TGFB3: variants seen among roughly 807,000 people sequenced by gnomAD.
The protein encoded by TGFB3 is transforming growth factor beta 3, also known as transforming growth factor beta-3 proprotein.
TGFB3 carries 5 observed loss-of-function variants against 40.1 expected under a neutral mutation model. The observed-to-expected ratio is 0.12, with a 90% confidence interval of 0.07 to 0.26. TGFB3 has a LOEUF of 0.26. TGFB3 is among the 10% of genes least tolerant of loss of function. TGFB3 has a pLI of 1.00. For missense variants in TGFB3, 373 were observed against 530.1 expected, an observed-to-expected ratio of 0.70 and a Z score of 2.91; for synonymous variants, 184 against 205.6, an observed-to-expected ratio of 0.89 and a Z score of 0.90.
At chr14:75,972,443 G>A (rs183764720) in intron 1 of TGFB3, among the ~76,000 whole-genome samples, 15 of 152,280 alleles carry the variant, frequency 9.9e-5, no homozygotes, top group Admixed American at 2.0e-4. Flanking sequence ...AGAGTGCCCC[G>A]GAAGATGTCA....
Position 75,961,055 on chromosome 14 carries a change from A to G in TGFB3, c.948T>C (p.Cys316=), listed in dbSNP as rs1364994786. The part of the protein sequence containing the change: ...YCFRNLEENC[C]VRPLYIDFRQ... The stretch of plus-strand genomic sequence containing the variant: ...GGAAGTCAATGTAGAGGGGGCGCAC[A>G]CAGCAGTTCTCCTCCAAGTTGCTAC... Residue 316 remains cysteine (C), a synonymous_variant, in exon 6 of 7, where the codon TGT becomes TGC. Transcript: ENST00000238682. The G allele has an allele frequency of 1.4e-5, 23 of 1,614,142 alleles. No individual in the cohort carries two copies. Among genetic ancestry groups the G allele is most frequent in the Non-Finnish European group, 1.9e-5 (22 of 1,180,060 alleles).
At chr14:75,972,722 T>A (rs568073165) in intron 1 of TGFB3, among the ~76,000 whole-genome samples, 5 of 152,294 alleles carry the variant, frequency 3.3e-5, no homozygotes, top group Admixed American at 3.3e-4. Context: ...GATGATAGAT[T>A]GGGGTCCACC....
chr14:75,961,349 A>G (rs889616962), intron 5 of TGFB3, among the ~76,000 whole-genome samples: 2 of 152,232 alleles, frequency 1.3e-5, no homozygotes, highest in Non-Finnish European at 2.9e-5. Flanking sequence ...TTCTATCACA[A>G]TACAAAGCAG....
chr14:75,959,164 C>A lies in TGFB3; in HGVS notation c.*23G>T, dbSNP rs199688471. The A allele has an allele frequency of 1.2e-6, 2 of 1,614,028 alleles. No homozygotes were observed. The highest frequency in any genetic ancestry group is 1.7e-6 in the Non-Finnish European group (2 of 1,179,950). On this transcript the variant is annotated 3_prime_UTR_variant, in exon 7 of 7. Coordinates refer to ENST00000238682, the MANE Select transcript of TGFB3 (RefSeq NM_003239.5). ...TCAGGCAGTGGTGGTTCTCTCTCCC[C>A]TCTCTCTGTCGCACGTGGGGTCTCA...
In TGFB3 at chr14:75,978,625, C is replaced by T. The variant is rs1319995863; in HGVS notation, c.352+1917G>A. Among the ~76,000 whole-genome samples, 1 of 152,278 alleles carries T rather than the reference C, an allele frequency of 6.6e-6. No individual in the cohort carries two copies. Among genetic ancestry groups the T allele is most frequent in the Admixed American group, 6.5e-5 (1 of 15,292 alleles). ...CCATTGCTCCATAACCCCACATCCA[C>T]CCATCTGTTGCAGTTGTAAGGTCTT... On this transcript the variant is annotated intron_variant, in intron 1 of 6. Coordinates refer to ENST00000238682, the MANE Select transcript of TGFB3 (RefSeq NM_003239.5). The surrounding 1 kb of genome is among the most constrained non-coding windows in gnomAD (Gnocchi z 5.0).
rs1362724996 is a variant in TGFB3 at position 75,980,729 on chromosome 14, G to T, written c.165C>A (p.Ser55Arg). The T allele has an allele frequency of 6.2e-7, 1 of 1,614,228 alleles. No individual in the cohort carries two copies. Among genetic ancestry groups the T allele is most frequent in the Non-Finnish European group, 8.5e-7 (1 of 1,180,050 alleles). ...GQILSKLRLTSPPEPTVMTHV... is the reference protein window; with the variant it reads ...GQILSKLRLTRPPEPTVMTHV... Reference sequence around the variant, plus strand: ...GGGTCATCACCGTTGGCTCAGGGGGGCTGGTGAGCCTGAGCTTGCTCAAGA... The same window carrying T: ...GGGTCATCACCGTTGGCTCAGGGGGTCTGGTGAGCCTGAGCTTGCTCAAGA... The change falls in exon 1 of 7, where the codon AGC (serine) becomes AGA (arginine). Residue 55 changes from serine (S) to arginine (R), a missense_variant. By Grantham distance (110) the Ser-to-Arg change is moderately radical (BLOSUM62 -1). Coordinates refer to ENST00000238682, the MANE Select transcript of TGFB3 (RefSeq NM_003239.5). The surrounding 1 kb of genome is among the most constrained non-coding windows in gnomAD (Gnocchi z 4.3).
Position 75,980,529 on chromosome 14 carries a change from A to G in TGFB3, c.352+13T>C, listed in dbSNP as rs750659468. 1.9e-6 allele frequency: 3 copies of G among 1,613,748 alleles called. No homozygotes were observed. The East Asian group carries it at 6.7e-5, about 36-fold the overall frequency. On this transcript the variant is annotated intron_variant, in intron 1 of 6. Coordinates refer to ENST00000238682, the MANE Select transcript of TGFB3 (RefSeq NM_003239.5). This position sits in a 1 kb window ranked among gnomAD's most constrained non-coding sequence, Gnocchi z 4.3. ...CCTCCAGAGCAGACACCCCAGCGAG[A>G]ATTTGGACTTACTGTGCTCCGCCAG... is the stretch of plus-strand genomic sequence containing the variant.
At chr14:75,966,943 A>C (rs1214154299) in intron 3 of TGFB3, among the ~76,000 whole-genome samples, 2 of 152,102 alleles carry the variant, frequency 1.3e-5, no homozygotes, top group Non-Finnish European at 2.9e-5. Flanking sequence ...AGGAGAGGTC[A>C]TGGGGGATGG....
rs1594791333 is a variant in TGFB3, at chr14:75,978,909, A to C, written c.352+1633T>G. On this transcript the variant is annotated intron_variant, in intron 1 of 6. Coordinates refer to ENST00000238682, the MANE Select transcript of TGFB3 (RefSeq NM_003239.5). This position sits in a 1 kb window ranked among gnomAD's most constrained non-coding sequence, Gnocchi z 5.0. ...TCTGAGTCCTGCCCTCTTGCCCTGGACTCTCCTCACACCTCTCCTGCCGGC... is the reference window on the plus strand; with the variant it reads ...TCTGAGTCCTGCCCTCTTGCCCTGGCCTCTCCTCACACCTCTCCTGCCGGC... Among the ~76,000 whole-genome samples, 1 of 150,642 alleles carries C rather than the reference A, an allele frequency of 6.6e-6. No individual in the cohort carries two copies. The highest frequency in any genetic ancestry group is 2.4e-5 in the African/African-American group (1 of 40,906).
At position 75,979,448 on chromosome 14, in the gene TGFB3, G is replaced by T. The variant is rs895190357; in HGVS notation, c.352+1094C>A. Among the ~76,000 whole-genome samples, 1 of 152,134 alleles carries T rather than the reference G, an allele frequency of 6.6e-6. No homozygotes were observed. On this transcript the variant is annotated intron_variant, in intron 1 of 6. Coordinates refer to ENST00000238682, the MANE Select transcript of TGFB3 (RefSeq NM_003239.5). This position sits in a 1 kb window ranked among gnomAD's most constrained non-coding sequence, Gnocchi z 4.8. ...GTCAGGGCGGCGAGGACACCTGCTG[G>T]TAGGAAAAGCAAACAGAGCTGCTCC... is the stretch of plus-strand genomic sequence containing the variant.
rs1421896993 is a variant in TGFB3 at position 75,971,193 on chromosome 14, T to C, written c.579A>G (p.Thr193=). 6.2e-7 allele frequency: 1 copy of C among 1,614,124 alleles called. No individual in the cohort carries two copies. Among genetic ancestry groups the C allele is most frequent in the South Asian group, 1.1e-5 (1 of 91,074 alleles). The change falls in exon 3 of 7, where the codon ACA becomes ACG. Residue 193 remains threonine (T), a synonymous_variant. Transcript: ENST00000238682. The surrounding 1 kb of genome is among the most constrained non-coding windows in gnomAD (Gnocchi z 4.5). ...AGGACAGCCACTCGGCAGTGCCCCG[T>C]GTGGGCAGATTCTTGCCACCGATAT... is the stretch of plus-strand genomic sequence containing the variant. ...QRYIGGKNLP[T]RGTAEWLSFD... is the part of the protein sequence containing the mutation.
chr14:75,959,931 CTTTTTTTTTTTTTTTT>C (rs71122509), intron 6 of TGFB3, among the ~76,000 whole-genome samples: 3 of 32,016 alleles, frequency 9.4e-5, no homozygotes, highest in Admixed American at 1.0e-3. Context: ...ATTATCTTGG[CTTTTTTTTTTTTTTTT>C]TTTTTTTTTT....
intron 5 of TGFB3, among the ~76,000 whole-genome samples, chr14:75,962,777 G>A (rs974071672): frequency 6.6e-6 from 1 of 152,192 alleles, no homozygotes; most frequent in Admixed American, 6.5e-5. Context: ...TCCTGAGTAA[G>A]AGAAGCTGGG....
intron 5 of TGFB3, 167 bp downstream of exon 5, chr14:75,963,149 A>T: frequency 1.2e-6 from 1 of 810,416 alleles, no homozygotes; most frequent in Non-Finnish European, 2.1e-6. Context: ...ACAGAAAGAG[A>T]TTTCACAGAG....
intron 1 of TGFB3, among the ~76,000 whole-genome samples, chr14:75,977,848 C>T (rs1461285948): frequency 2.0e-5 from 3 of 151,888 alleles, no homozygotes; most frequent in Non-Finnish European, 2.9e-5. Context: ...ACACTTACAA[C>T]GTGTATTTTA....
Position 75,981,264 on chromosome 14 carries a change from T to C in TGFB3, c.-371A>G. 2.9e-6 allele frequency: 1 copy of C among 339,842 alleles called. No homozygotes were observed. 21.1% of individuals were successfully genotyped at this position (339,842 alleles called of 1,614,324 possible). ...GAGTTTTTCCTTAGGTAAAAATAAA[T>C]AGAGTGGATATCTGATATTGCCAAA... On this transcript the variant is annotated 5_prime_UTR_variant, in exon 1 of 7. Coordinates refer to ENST00000238682, the MANE Select transcript of TGFB3 (RefSeq NM_003239.5). The surrounding 1 kb of genome is among the most constrained non-coding windows in gnomAD (Gnocchi z 4.7).
At chr14:75,963,561 G>T in intron 4 of TGFB3, 74 bp from the exon 5 acceptor site, 1 of 1,569,492 alleles carries the variant, frequency 6.4e-7, no homozygotes, top group Non-Finnish European at 8.7e-7. Context: ...TCCTCCACAC[G>T]CCCCATCACT....
chr14:75,979,658 CAG>C lies in TGFB3; in HGVS notation c.352+882_352+883del, dbSNP rs1253399086. Among the ~76,000 whole-genome samples, 1 of 152,012 alleles carries C rather than the reference CAG, an allele frequency of 6.6e-6. No individual in the cohort carries two copies. The highest frequency in any genetic ancestry group is 1.5e-5 in the Non-Finnish European group (1 of 68,012). The stretch of plus-strand genomic sequence containing the variant: ...CCAGAAGCCGCCCGGCTCCTCCATG[CAG>C]ACAGAGCCTCCTGGGACGGCAGGCT... On this transcript the variant is annotated intron_variant, in intron 1 of 6. Coordinates refer to ENST00000238682, the MANE Select transcript of TGFB3 (RefSeq NM_003239.5). This position sits in a 1 kb window ranked among gnomAD's most constrained non-coding sequence, Gnocchi z 4.8.
chr14:75,963,303 G>A lies in TGFB3; in HGVS notation c.926+13C>T. Reference sequence around the variant, plus strand: ...GGCAGTAGATGTTGGTTCCCATGTGGGCCCAGTCTCACCGGAAGCAGTAAT... The same window carrying A: ...GGCAGTAGATGTTGGTTCCCATGTGAGCCCAGTCTCACCGGAAGCAGTAAT... On this transcript the variant is annotated intron_variant, in intron 5 of 6. Transcript: ENST00000238682. The A allele has an allele frequency of 2.5e-6, 4 of 1,613,990 alleles. No homozygotes were observed. Among genetic ancestry groups the A allele is most frequent in the Non-Finnish European group, 2.5e-6 (3 of 1,179,950 alleles).
Sources: gnomAD v4.1 joint callset for allele counts (sites outside exome capture counted in the v4.1 genomes callset) on GRCh38, gnomAD v4.1.1 for gene constraint, Gnocchi (gnomAD v3.1) non-coding constraint, MANE v1.5 for transcripts, NCBI Gene and HGNC (gene_info 2026-07-23, HGNC 2026-07-21) for gene names.